The following KCNQ1 variants were observed in gnomAD, a reference collection of about 807,000 sequenced individuals.
KCNQ1 encodes the protein potassium voltage-gated channel subfamily Q member 1.
A neutral mutation model predicts 72.4 loss-of-function variants in KCNQ1; 49 were observed. The observed-to-expected ratio is 0.68, with a 90% confidence interval of 0.54 to 0.86. The LOEUF (loss-of-function observed/expected upper bound fraction) is 0.86, where lower values mean the gene tolerates loss of function less well. Among genes scored for constraint, KCNQ1 ranks in the 40% least tolerant of loss-of-function variants. The pLI, the probability that KCNQ1 is intolerant of heterozygous loss-of-function variation, is 0.00. For missense variants in KCNQ1, 790 were observed against 945.1 expected (o/e 0.84, Z 2.15); for synonymous variants, 450 against 412.6 (o/e 1.09, Z -1.10).
intron 1 of KCNQ1, among the ~76,000 whole-genome samples, chr11:2,501,755 C>T (rs10832179): frequency 7.4e-6 from 1 of 135,508 alleles, no homozygotes; most frequent in Non-Finnish European, 1.6e-5. Context: ...AAAGGAACCA[C>T]GGGCCAATAT....
intron 1 of KCNQ1, among the ~76,000 whole-genome samples, chr11:2,511,268 TC>T (rs911819283): frequency 9.9e-5 from 15 of 152,080 alleles, no homozygotes; most frequent in Non-Finnish European, 1.6e-4. Context: ...CCCCTACTGT[TC>T]CTGGCAGCAG....
chr11:2,529,281 C>G (rs890780950), intron 2 of KCNQ1, among the ~76,000 whole-genome samples: 1 of 152,192 alleles, frequency 6.6e-6, no homozygotes, highest in Non-Finnish European at 1.5e-5. Context: ...GTACTAAAAT[C>G]AATTTCATGA....
intron 11 of KCNQ1, among the ~76,000 whole-genome samples, chr11:2,730,458 C>G (rs961542046): frequency 1.4e-4 from 21 of 152,206 alleles, no homozygotes; most frequent in African/African-American, 5.1e-4. Context: ...CCTTTCCCCA[C>G]GGCCCCCTTG....
rs564385342 is a variant in KCNQ1 at position 2,828,363 on chromosome 11, C to T, written c.1795-19404C>T. Among the ~76,000 whole-genome samples the T allele has an allele frequency of 6.6e-6, 1 of 152,242 alleles. No homozygotes were observed. The highest frequency in any genetic ancestry group is 1.5e-5 in the Non-Finnish European group (1 of 68,016). Reference sequence around the variant, plus strand: ...GCTTCTTTGAATCCCACTAAGGTGACAGTAAAGGCATGAAAAACATGGAAA... The same window carrying T: ...GCTTCTTTGAATCCCACTAAGGTGATAGTAAAGGCATGAAAAACATGGAAA... On this transcript the variant is annotated intron_variant, in intron 15 of 15. Transcript: ENST00000155840. This position sits in a 1 kb window ranked among gnomAD's most constrained non-coding sequence, Gnocchi z 5.3.
intron 15 of KCNQ1, among the ~76,000 whole-genome samples, chr11:2,794,229 C>A (rs1457905277): frequency 6.6e-6 from 1 of 152,146 alleles, no homozygotes; most frequent in Non-Finnish European, 1.5e-5. Flanking sequence ...GGCCTTGGGG[C>A]CAGCCCCCAG....
intron 6 of KCNQ1, among the ~76,000 whole-genome samples, chr11:2,583,180 T>A (rs1387696611): frequency 6.6e-6 from 1 of 152,166 alleles, no homozygotes. Flanking sequence ...CCAGCAGGCC[T>A]GGCCCTTCGT....
In KCNQ1 at chr11:2,611,387, T is replaced by A. The variant is rs1373174711; in HGVS notation, c.1393+22533T>A. On this transcript the variant is annotated intron_variant, in intron 10 of 15. Transcript: ENST00000155840. The surrounding 1 kb of genome is among the most constrained non-coding windows in gnomAD (Gnocchi z 5.3). ...GGCATTTGCCACCATACCCAGCTAA[T>A]TTTTAGTAGAGACAGAGTTTCACCA... 1.0e-5 allele frequency: 4 copies of A among 397,426 alleles called. No individual in the cohort carries two copies. Among genetic ancestry groups the A allele is most frequent in the African/African-American group, 8.2e-5 (4 of 48,598 alleles). 24.6% of individuals were successfully genotyped at this position (397,426 alleles called of 1,614,324 possible). A position where few individuals can be genotyped will look rare whatever the true frequency, so the allele number is the denominator to read the frequency against.
chr11:2,484,230 C>T lies in KCNQ1; in HGVS notation c.386+38746C>T, dbSNP rs1200852408. Among the ~76,000 whole-genome samples, 1 of 152,284 alleles carries T rather than the reference C, an allele frequency of 6.6e-6. No homozygotes were observed. The highest frequency in any genetic ancestry group is 2.4e-5 in the African/African-American group (1 of 41,542). ...ACAGGCTGGAGTGCAGTGGCATGAT[C>T]TCGGCTCACTGAAACCTCTGCCTCC... On this transcript the variant is annotated intron_variant, in intron 1 of 15. Coordinates refer to ENST00000155840, the MANE Select transcript of KCNQ1 (RefSeq NM_000218.3). The surrounding 1 kb of genome is among the most constrained non-coding windows in gnomAD (Gnocchi z 5.2).
In KCNQ1 at chr11:2,659,718, C is replaced by T. The variant is rs1358856262; in HGVS notation, c.1394-2243C>T. 1 of 398,380 alleles carries T rather than the reference C, an allele frequency of 2.5e-6. No homozygotes were observed. Among genetic ancestry groups the T allele is most frequent in the African/African-American group, 2.1e-5 (1 of 48,610 alleles). 24.7% of individuals were successfully genotyped at this position (398,380 alleles called of 1,614,324 possible). Reference sequence around the variant, plus strand: ...TGCCATTTTGCATTCCCACCAGTAACATATGAGAGTTCTACATGTTCCACA... The same window carrying T: ...TGCCATTTTGCATTCCCACCAGTAATATATGAGAGTTCTACATGTTCCACA... On this transcript the variant is annotated intron_variant, in intron 10 of 15. Coordinates refer to ENST00000155840, the MANE Select transcript of KCNQ1 (RefSeq NM_000218.3). The surrounding 1 kb of genome is among the most constrained non-coding windows in gnomAD (Gnocchi z 4.3).
intron 8 of KCNQ1, 149 bp from the exon 9 acceptor site, chr11:2,587,421 T>C (rs1405114829): frequency 1.0e-5 from 12 of 1,153,276 alleles, no homozygotes; most frequent in Non-Finnish European, 1.4e-5. Flanking sequence ...GCTGGGACCA[T>C]GTCAAGCCTG....
At position 2,720,816 on chromosome 11, in the gene KCNQ1, G is replaced by A. The variant is rs116688458; in HGVS notation, c.1515-48028G>A. Among the ~76,000 whole-genome samples, 9 of 152,256 alleles carry A rather than the reference G, an allele frequency of 5.9e-5. No homozygotes were observed. Among genetic ancestry groups the A allele is most frequent in the African/African-American group, 1.9e-4 (8 of 41,538 alleles). On this transcript the variant is annotated intron_variant, in intron 11 of 15. Coordinates refer to ENST00000155840, the MANE Select transcript of KCNQ1 (RefSeq NM_000218.3). This position sits in a 1 kb window ranked among gnomAD's most constrained non-coding sequence, Gnocchi z 5.1. Reference sequence around the variant, plus strand: ...GGATCATTTGGGGCAAATGGTCCTCGTTTTCTTCATTATATGGTGTTGAGT... The same window carrying A: ...GGATCATTTGGGGCAAATGGTCCTCATTTTCTTCATTATATGGTGTTGAGT...
intron 1 of KCNQ1, among the ~76,000 whole-genome samples, chr11:2,456,985 G>A (rs1399649565): frequency 1.3e-5 from 2 of 150,838 alleles, no homozygotes; most frequent in African/African-American, 4.9e-5. Flanking sequence ...ACAAAAAGTG[G>A]GCAAAAGATA....
chr11:2,840,845 G>T (rs182757599), intron 15 of KCNQ1, among the ~76,000 whole-genome samples: 2 of 152,154 alleles, frequency 1.3e-5, no homozygotes, highest in African/African-American at 2.4e-5. Flanking sequence ...AGTGGGCTTG[G>T]GGGGCTTCTA....
chr11:2,465,185 G>A (rs1320329402), intron 1 of KCNQ1, among the ~76,000 whole-genome samples: 1 of 152,000 alleles, frequency 6.6e-6, no homozygotes, highest in Admixed American at 6.5e-5. Context: ...TTTGAAGCAG[G>A]GTCTCACTCT....
intron 2 of KCNQ1, among the ~76,000 whole-genome samples, chr11:2,533,037 A>G (rs1156699817): frequency 6.6e-6 from 1 of 152,192 alleles, no homozygotes; most frequent in Non-Finnish European, 1.5e-5. Flanking sequence ...CCCAAACCAC[A>G]GCCTTGGGGA....
intron 2 of KCNQ1, among the ~76,000 whole-genome samples, chr11:2,535,852 C>T (rs898744282): frequency 4.6e-5 from 7 of 152,234 alleles, no homozygotes; most frequent in African/African-American, 1.4e-4. Flanking sequence ...GGAACCCCGG[C>T]GCTGCTGCTC....
At chr11:2,632,199 AAAAAG>A in intron 10 of KCNQ1, 1 of 397,938 alleles carries the variant, frequency 2.5e-6, no homozygotes, top group African/African-American at 2.1e-5. Context: ...AAAAAAAAAA[AAAAAG>A]AAATGCAACT....
rs34219164 is a variant in KCNQ1, at chr11:2,674,832, T to TAAAAA, written c.1514+12775_1514+12779dup. ...GCTTGTCACCCTAATAGCTGTTTTT[T>TAAAAA]AAAAAAAAAAAAAAAAAAAAAAAAA... is the stretch of plus-strand genomic sequence containing the variant. On this transcript the variant is annotated intron_variant, in intron 11 of 15. Transcript: ENST00000155840. This position sits in a 1 kb window ranked among gnomAD's most constrained non-coding sequence, Gnocchi z 5.9. 5 of 303,834 alleles carry TAAAAA rather than the reference T, an allele frequency of 1.6e-5. No individual in the cohort carries two copies. The highest frequency in any genetic ancestry group is 1.4e-4 in the East Asian group (3 of 20,794). The allele number at this position is 303,834 out of a possible 1,614,324, so 18.8% of individuals were successfully genotyped here. A position where few individuals can be genotyped will look rare whatever the true frequency, so the allele number is the denominator to read the frequency against.
rs973163691 is a variant in KCNQ1 at position 2,697,706 on chromosome 11, C to T, written c.1514+35625C>T. ...TCTGATATTGGATCATCTTTGCATTCCTAAGAGCAATCCCACTTGTTTAAG... is the reference window on the plus strand; with the variant it reads ...TCTGATATTGGATCATCTTTGCATTTCTAAGAGCAATCCCACTTGTTTAAG... On this transcript the variant is annotated intron_variant, in intron 11 of 15. Coordinates refer to ENST00000155840, the MANE Select transcript of KCNQ1 (RefSeq NM_000218.3). 3.0e-5 allele frequency: 12 copies of T among 398,442 alleles called. No homozygotes were observed. In the Admixed American group the frequency reaches 3.1e-4, roughly 10 times the overall value. The allele number at this position is 398,442 out of a possible 1,614,324, so 24.7% of individuals were successfully genotyped here. A position where few individuals can be genotyped will look rare whatever the true frequency, so the allele number is the denominator to read the frequency against.
Sources: allele counts gnomAD v4.1 joint callset (sites outside exome capture counted in the v4.1 genomes callset), GRCh38; gene constraint gnomAD v4.1.1; non-coding constraint Gnocchi (gnomAD v3.1); transcripts MANE v1.5; gene names NCBI Gene and HGNC (gene_info 2026-07-23, HGNC 2026-07-21).